Variants in TCEA1 observed in about 807,000 individuals in gnomAD.
TCEA1 encodes the protein transcription elongation factor A protein 1.
Under a neutral mutation model 43.8 loss-of-function variants are expected in TCEA1, and 21 were observed. The ratio of observed to expected loss-of-function variants is 0.48; its 90% confidence interval spans 0.34 to 0.69. TCEA1 has a LOEUF of 0.69. TCEA1 is among the 30% of genes least tolerant of loss of function. The probability of loss-of-function intolerance (pLI) is 0.01; values close to 1 mark genes in which losing one functional copy is unlikely to be tolerated. For missense variants in TCEA1, 250 were observed against 365.1 expected, an observed-to-expected ratio of 0.68 and a Z score of 2.57; for synonymous variants, 104 against 117.5, an observed-to-expected ratio of 0.88 and a Z score of 0.75.
chr8:54,020,021 G>T (rs898536194), intron 1 of TCEA1, among the ~76,000 whole-genome samples: 2 of 152,174 alleles, frequency 1.3e-5, no homozygotes, highest in Admixed American at 6.5e-5. Context: ...CTGAAAATTT[G>T]TTGACGATTT....
intron 1 of TCEA1, among the ~76,000 whole-genome samples, chr8:54,020,673 T>A (rs1387984311): frequency 2.0e-5 from 3 of 152,222 alleles, no homozygotes; most frequent in Non-Finnish European, 4.4e-5. Context: ...GTAAAATGGA[T>A]ACCCTTTATG....
At chr8:53,988,050 T>C in intron 5 of TCEA1, 64 bp downstream of exon 5, 4 of 1,563,096 alleles carry the variant, frequency 2.6e-6, no homozygotes, top group Non-Finnish European at 3.5e-6. Flanking sequence ...CAATATGGAG[T>C]TGGAGATGGC....
intron 6 of TCEA1, 48 bp from the exon 7 acceptor site, chr8:53,984,565 CTT>C: frequency 6.8e-7 from 1 of 1,462,496 alleles, no homozygotes; most frequent in South Asian, 1.4e-5. Context: ...AGTAAGATCA[CTT>C]TTTTTTCCTG....
chr8:53,992,988 C>G lies in TCEA1; in HGVS notation c.320+680G>C, dbSNP rs1219316711. ...TTTTTTTTAAGATAAGGTCTCACTCCATTGCTCAGGCTGGAGTGCAGTGGC... is the reference window on the plus strand; with the variant it reads ...TTTTTTTTAAGATAAGGTCTCACTCGATTGCTCAGGCTGGAGTGCAGTGGC... On this transcript the variant is annotated intron_variant, in intron 4 of 9. Transcript: ENST00000521604. Among the ~76,000 whole-genome samples, 6 of 149,228 alleles carry G rather than the reference C, an allele frequency of 4.0e-5. No individual in the cohort carries two copies. The South Asian group carries it at 1.3e-3, about 32-fold the overall frequency.
chr8:54,004,338 G>A (rs1054375625), intron 2 of TCEA1, among the ~76,000 whole-genome samples: 13 of 152,092 alleles, frequency 8.5e-5, no homozygotes, highest in East Asian at 3.8e-4. Flanking sequence ...ATATAAACAC[G>A]CATAGCAGTG....
chr8:53,986,146 C>G (rs186302604), intron 6 of TCEA1, among the ~76,000 whole-genome samples: 4 of 152,322 alleles, frequency 2.6e-5, no homozygotes, highest in African/African-American at 9.6e-5. Context: ...AGAGACCTTT[C>G]TGGCTGGTAG....
rs139352870 is a variant in TCEA1 at position 53,968,068 on chromosome 8, T to C, written c.*36A>G. On this transcript the variant is annotated 3_prime_UTR_variant, in exon 10 of 10. Transcript: ENST00000521604. ...TTAAAGCTAGTTACAAAATCCGTTT[T>C]CTTAATGGTCCAGATATTTTGCCAA... 1,105 of 1,520,900 alleles carry C rather than the reference T, an allele frequency of 7.3e-4. 7 individuals are homozygous for C. The African/African-American group carries it at 0.014, about 19-fold the overall frequency. The allele number at this position is 1,520,900 out of a possible 1,614,324, so 94.2% of individuals were successfully genotyped here.
intron 2 of TCEA1, among the ~76,000 whole-genome samples, chr8:54,004,539 G>A (rs1258190916): frequency 6.6e-6 from 1 of 152,158 alleles, no homozygotes; most frequent in African/African-American, 2.4e-5. Context: ...GTCAGATACT[G>A]TATGATTCCA....
intron 3 of TCEA1, among the ~76,000 whole-genome samples, chr8:53,994,270 A>G (rs1348113807): frequency 6.6e-6 from 1 of 152,150 alleles, no homozygotes; most frequent in African/African-American, 2.4e-5. Context: ...GCTTTTGCCC[A>G]GCAGGTGGAG....
intron 3 of TCEA1, among the ~76,000 whole-genome samples, chr8:53,997,167 CA>C (rs1167783368): frequency 6.6e-6 from 1 of 152,060 alleles, no homozygotes; most frequent in Non-Finnish European, 1.5e-5. Context: ...CTCAGCCTCC[CA>C]AAGTGCTGAG....
At chr8:53,993,327 T>C (rs1803941311) in intron 4 of TCEA1, 1 of 153,672 alleles carries the variant, frequency 6.5e-6, no homozygotes. Context: ...AAAATAAATC[T>C]AAAAAAAAAA....
chr8:53,991,356 G>A (rs930926820), intron 4 of TCEA1, among the ~76,000 whole-genome samples: 2 of 151,686 alleles, frequency 1.3e-5, no homozygotes, highest in African/African-American at 4.9e-5. Context: ...TTGTGCCACT[G>A]CATTCCAGCC....
intron 4 of TCEA1, among the ~76,000 whole-genome samples, chr8:53,990,351 A>G (rs1803836238): frequency 1.4e-5 from 2 of 142,164 alleles, no homozygotes; most frequent in Non-Finnish European, 3.1e-5. Context: ...CCCAAAACTC[A>G]TTTCTTTTCT....
chr8:54,003,038 C>T (rs577793121), intron 2 of TCEA1: 8 of 456,218 alleles, frequency 1.8e-5, no homozygotes, highest in East Asian at 1.4e-4. Flanking sequence ...AGAAAAGTCT[C>T]CTTTGTGATC....
intron 3 of TCEA1, among the ~76,000 whole-genome samples, chr8:53,998,800 C>T (rs1804151492): frequency 6.6e-6 from 1 of 152,066 alleles, no homozygotes; most frequent in African/African-American, 2.4e-5. Flanking sequence ...CCTAAGTAAA[C>T]AGGTTGGTCT....
chr8:53,968,253 T>A, intron 9 of TCEA1, 141 bp from the exon 10 acceptor site: 1 of 593,130 alleles, frequency 1.7e-6, no homozygotes. Context: ...CACATAATAA[T>A]CACCTATCTT....
chr8:53,984,564 A>G (rs778354554), intron 6 of TCEA1, 47 bp from the exon 7 acceptor site: 1 of 1,476,568 alleles, frequency 6.8e-7, no homozygotes, highest in East Asian at 2.4e-5. Context: ...AAGTAAGATC[A>G]CTTTTTTTTC....
intron 2 of TCEA1, among the ~76,000 whole-genome samples, chr8:54,008,308 A>G (rs1346455243): frequency 6.6e-6 from 1 of 151,938 alleles, no homozygotes; most frequent in East Asian, 1.9e-4. Flanking sequence ...TAAATAAGGA[A>G]GTCAAACAAT....
intron 1 of TCEA1, among the ~76,000 whole-genome samples, chr8:54,014,625 C>G (rs1431652232): frequency 2.6e-5 from 4 of 152,186 alleles, no homozygotes. Context: ...GTTGGTGCTC[C>G]TATCTGGTAA....
Sources: gnomAD v4.1 joint callset for allele counts (sites outside exome capture counted in the v4.1 genomes callset) on GRCh38, gnomAD v4.1.1 for gene constraint, MANE v1.5 for transcripts, NCBI Gene and HGNC (gene_info 2026-07-23, HGNC 2026-07-21) for gene names.